The following UTRN variants were observed in gnomAD, a reference collection of about 807,000 sequenced individuals.
The protein encoded by UTRN is utrophin.
Under a neutral mutation model 463.9 loss-of-function variants are expected in UTRN, and 283 were observed. That is an observed-to-expected ratio of 0.61 (90% CI 0.55 to 0.67). The LOEUF is 0.67. Among genes scored for constraint, UTRN ranks in the 30% least tolerant of loss-of-function variants. The pLI is 0.00. For missense variants in UTRN, 3,922 were observed against 4,084.3 expected, an observed-to-expected ratio of 0.96 and a Z score of 1.08; for synonymous variants, 1,442 against 1,431.5, an observed-to-expected ratio of 1.01 and a Z score of -0.17.
chr6:144,469,202 G>A (rs140278000), intron 23 of UTRN, among the ~76,000 whole-genome samples: 1,571 of 152,326 alleles, frequency 0.01, 25 homozygotes, highest in African/African-American at 0.035. Flanking sequence ...TTAAAAAAGT[G>A]AAACCCATGC....
intron 47 of UTRN, among the ~76,000 whole-genome samples, chr6:144,550,577 G>C (rs7738842): frequency 0.27 from 41,638 of 152,064 alleles, 6,185 homozygotes; most frequent in East Asian, 0.6. Context: ...ACCTGACACA[G>C]AACAGATATG....
At chr6:144,850,350 A>G (rs1278032662) in intron 74 of UTRN, among the ~76,000 whole-genome samples, 3 of 152,176 alleles carry the variant, frequency 2.0e-5, no homozygotes, top group Non-Finnish European at 4.4e-5. Context: ...AAGGCCTTTT[A>G]TGATTTATGA....
chr6:144,300,236 T>C (rs1805115323), intron 2 of UTRN, among the ~76,000 whole-genome samples: 1 of 152,074 alleles, frequency 6.6e-6, no homozygotes, highest in Non-Finnish European at 1.5e-5. Flanking sequence ...ACTACAGGTG[T>C]GTGCCACCAT....
intron 51 of UTRN, among the ~76,000 whole-genome samples, chr6:144,591,116 T>C (rs1335177349): frequency 6.6e-6 from 1 of 152,154 alleles, no homozygotes; most frequent in Non-Finnish European, 1.5e-5. Context: ...GGCATCATAA[T>C]CTTCATTATC....
intron 51 of UTRN, among the ~76,000 whole-genome samples, chr6:144,664,538 A>G (rs1475197275): frequency 6.7e-6 from 1 of 150,328 alleles, no homozygotes; most frequent in Non-Finnish European, 1.5e-5. Context: ...TCCTGGGCTC[A>G]AGCTATCCAC....
At chr6:144,511,587 T>A (rs1408889242) in intron 35 of UTRN, among the ~76,000 whole-genome samples, 1 of 152,234 alleles carries the variant, frequency 6.6e-6, no homozygotes, top group Non-Finnish European at 1.5e-5. Flanking sequence ...GTTGTTTAAT[T>A]TGTAAAATGG....
chr6:144,738,561 C>T (rs1789700990), intron 54 of UTRN, among the ~76,000 whole-genome samples: 1 of 152,170 alleles, frequency 6.6e-6, no homozygotes, highest in South Asian at 2.1e-4. Flanking sequence ...ACCAAACATA[C>T]TTTATGATTT....
rs558486330 is a variant in UTRN at position 144,637,349 on chromosome 6, A to C, written c.7480-41057A>C. ...TGGCCCTTACGTTACTCTGCCCTGT[A>C]CTATCTTCTTTATTATTTTACATTC... is the stretch of plus-strand genomic sequence containing the variant. On this transcript the variant is annotated intron_variant, in intron 51 of 74. Transcript: ENST00000367545. 2.6e-5 allele frequency among the ~76,000 whole-genome samples: 4 copies of C among 152,184 alleles called. No individual in the cohort carries two copies. In the South Asian group the frequency reaches 8.3e-4, roughly 32 times the overall value.
chr6:144,835,415 C>T (rs1544157), intron 69 of UTRN, among the ~76,000 whole-genome samples: 22,494 of 152,194 alleles, frequency 0.15, 2,471 homozygotes, highest in Admixed American at 0.36. Flanking sequence ...TCAGATGATT[C>T]TTAATTCAGT....
In UTRN at chr6:144,286,917, C is replaced by T. The variant is rs1329544488; in HGVS notation, c.-93+1096C>T. Among the ~76,000 whole-genome samples the T allele has an allele frequency of 6.6e-6, 1 of 152,196 alleles. No homozygotes were observed. The highest frequency in any genetic ancestry group is 1.9e-4 in the East Asian group (1 of 5,188). ...GGTCAGCCGGATCACCAGGGCCTTG[C>T]GGGCCAGTTCCCCCTGCCGCGGTTG... On this transcript the variant is annotated intron_variant, in intron 1 of 74. Coordinates refer to ENST00000367545, the MANE Select transcript of UTRN (RefSeq NM_007124.3). This position sits in a 1 kb window ranked among gnomAD's most constrained non-coding sequence, Gnocchi z 4.4.
At position 144,851,234 on chromosome 6, in the gene UTRN, A is replaced by G; in HGVS notation, c.*237A>G. On this transcript the variant is annotated 3_prime_UTR_variant, in exon 75 of 75. Coordinates refer to ENST00000367545, the MANE Select transcript of UTRN (RefSeq NM_007124.3). ...TTCTTCCCTTTCTATGCAAGTGTAA[A>G]TTAATGAACAGAGAGGTATTTGGAA... 1 of 566,424 alleles carries G rather than the reference A, an allele frequency of 1.8e-6. No individual in the cohort carries two copies. Among genetic ancestry groups the G allele is most frequent in the Non-Finnish European group, 3.1e-6 (1 of 318,590 alleles). 35.1% of individuals were successfully genotyped at this position (566,424 alleles called of 1,614,324 possible).
intron 51 of UTRN, among the ~76,000 whole-genome samples, chr6:144,586,089 G>A (rs1049546355): frequency 2.0e-5 from 3 of 151,902 alleles, no homozygotes; most frequent in African/African-American, 4.8e-5. Flanking sequence ...GTGGCAGCTC[G>A]TCTTTTCTGC....
intron 61 of UTRN, among the ~76,000 whole-genome samples, chr6:144,785,043 C>G (rs1272351692): frequency 1.3e-5 from 2 of 152,232 alleles, no homozygotes; most frequent in Non-Finnish European, 2.9e-5. Context: ...GTTTCTCTAA[C>G]AACCATGATT....
chr6:144,304,386 G>T (rs574834717), intron 2 of UTRN, among the ~76,000 whole-genome samples: 2 of 152,216 alleles, frequency 1.3e-5, no homozygotes, highest in South Asian at 2.1e-4. Flanking sequence ...GTGGATTGGC[G>T]CATGGTGAAT....
chr6:144,709,685 A>G (rs1226512371), intron 53 of UTRN, among the ~76,000 whole-genome samples: 2 of 152,222 alleles, frequency 1.3e-5, no homozygotes, highest in Non-Finnish European at 2.9e-5. Flanking sequence ...TAAGATGTCT[A>G]AAGAATATCA....
chr6:144,827,523 T>C, intron 67 of UTRN, 88 bp from the exon 68 acceptor site: 1 of 1,596,350 alleles, frequency 6.3e-7, no homozygotes, highest in Non-Finnish European at 8.6e-7. Flanking sequence ...GCATGGCAGA[T>C]TCATTACTTA....
chr6:144,593,506 A>G (rs900712926), intron 51 of UTRN, among the ~76,000 whole-genome samples: 2 of 152,194 alleles, frequency 1.3e-5, no homozygotes, highest in Admixed American at 1.3e-4. Context: ...GCAACCAATC[A>G]GAGGCATTTC....
intron 54 of UTRN, among the ~76,000 whole-genome samples, chr6:144,747,389 G>A (rs1790878981): frequency 3.3e-5 from 5 of 152,172 alleles, no homozygotes; most frequent in Admixed American, 3.3e-4. Flanking sequence ...ACCTTTCTAA[G>A]CTGTCTTGAG....
intron 51 of UTRN, among the ~76,000 whole-genome samples, chr6:144,627,026 A>G (rs1163379214): frequency 6.6e-6 from 1 of 152,202 alleles, no homozygotes; most frequent in Non-Finnish European, 1.5e-5. Flanking sequence ...GATATATACA[A>G]ACAAAACACT....
Sources: allele counts gnomAD v4.1 joint callset (sites outside exome capture counted in the v4.1 genomes callset), GRCh38; gene constraint gnomAD v4.1.1; non-coding constraint Gnocchi (gnomAD v3.1); transcripts MANE v1.5; gene names NCBI Gene and HGNC (gene_info 2026-07-23, HGNC 2026-07-21).